Variants in PEX14 observed in about 807,000 individuals in gnomAD.
The protein encoded by PEX14 is peroxisomal membrane protein PEX14.
In PEX14, 15 loss-of-function variants were observed where a neutral mutation model predicts 49.5. The ratio of observed to expected loss-of-function variants is 0.30; its 90% CI spans 0.20 to 0.47. PEX14 has a LOEUF of 0.47. Among genes scored for constraint, PEX14 ranks in the 20% least tolerant of loss-of-function variants. The pLI, the probability that PEX14 is intolerant of heterozygous loss-of-function variation, is 1.00. For synonymous variants in PEX14, 210 were observed against 212.7 expected (o/e 0.99, Z 0.11); for missense variants, 398 against 494.8 (o/e 0.80, Z 1.86).
chr1:10,610,210 T>A (rs1226047391), intron 4 of PEX14, among the ~76,000 whole-genome samples: 3 of 148,734 alleles, frequency 2.0e-5, no homozygotes, highest in African/African-American at 4.9e-5. Context: ...AGCCTTTGTC[T>A]ACCCCAAGGT....
At chr1:10,530,105 T>C (rs1446564573) in intron 2 of PEX14, among the ~76,000 whole-genome samples, 3 of 152,156 alleles carry the variant, frequency 2.0e-5, no homozygotes, top group African/African-American at 4.8e-5. Flanking sequence ...TTAATGTACA[T>C]GAAACATACC....
intron 3 of PEX14, among the ~76,000 whole-genome samples, chr1:10,577,167 G>GGAGGCA (rs954751069): frequency 8.3e-6 from 1 of 119,842 alleles, no homozygotes; most frequent in African/African-American, 2.7e-5. Context: ...CAGCATTTTG[G>GGAGGCA]GAGGCAGAGG....
At chr1:10,501,887 G>A (rs1377757340) in intron 2 of PEX14, among the ~76,000 whole-genome samples, 1 of 152,042 alleles carries the variant, frequency 6.6e-6, no homozygotes, top group East Asian at 1.9e-4. Flanking sequence ...CTCCAGCTTG[G>A]GCAACAGAGT....
At chr1:10,564,361 G>T (rs1639740871) in intron 3 of PEX14, among the ~76,000 whole-genome samples, 3 of 149,928 alleles carry the variant, frequency 2.0e-5, no homozygotes, top group Admixed American at 2.0e-4. Context: ...TATCCAGTTT[G>T]CTGTTAAACC....
At chr1:10,488,846 A>G (rs1399301971) in intron 1 of PEX14, among the ~76,000 whole-genome samples, 1 of 151,786 alleles carries the variant, frequency 6.6e-6, no homozygotes, top group Non-Finnish European at 1.5e-5. Flanking sequence ...TTACTGTGAC[A>G]TGTTTTCATT....
At position 10,574,539 on chromosome 1, in the gene PEX14, C is replaced by G. The variant is rs372580497; in HGVS notation, c.170-24699C>G. 5.5e-4 allele frequency among the ~76,000 whole-genome samples: 83 copies of G among 152,152 alleles called. 1 individual carries two copies. Among genetic ancestry groups the G allele is most frequent in the African/African-American group, 2.0e-3 (81 of 41,488 alleles). On this transcript the variant is annotated intron_variant, in intron 3 of 8. Coordinates refer to ENST00000356607, the MANE Select transcript of PEX14 (RefSeq NM_004565.3). ...AAAATTAGTGCTACTCATTATTAGA[C>G]TAGAGGAAAATAGGACTTAGAACTT...
At chr1:10,478,325 G>A (rs1459975820) in intron 1 of PEX14, among the ~76,000 whole-genome samples, 2 of 152,044 alleles carry the variant, frequency 1.3e-5, no homozygotes, top group East Asian at 1.9e-4. Context: ...GTTCTATTAC[G>A]ACATCTTTTG....
intron 3 of PEX14, among the ~76,000 whole-genome samples, chr1:10,567,398 A>G (rs560755531): frequency 6.6e-6 from 1 of 152,364 alleles, no homozygotes; most frequent in Non-Finnish European, 1.5e-5. Flanking sequence ...ATCTGTTAAA[A>G]TTAATTTTGC....
At chr1:10,581,966 G>A (rs1640334449) in intron 3 of PEX14, among the ~76,000 whole-genome samples, 2 of 150,384 alleles carry the variant, frequency 1.3e-5, no homozygotes, top group Admixed American at 1.3e-4. Context: ...GAGTGCTACT[G>A]ATTTTTAATT....
At chr1:10,600,456 T>G (rs1640950644) in intron 4 of PEX14, among the ~76,000 whole-genome samples, 1 of 148,262 alleles carries the variant, frequency 6.7e-6, no homozygotes. Context: ...GTGGCTCACA[T>G]CTGTAATCCC....
chr1:10,618,719 T>G (rs1207123693), intron 5 of PEX14, among the ~76,000 whole-genome samples: 1 of 152,200 alleles, frequency 6.6e-6, no homozygotes, highest in East Asian at 1.9e-4. Flanking sequence ...CTTACAGTAG[T>G]GCCCGCACGG....
In PEX14 at chr1:10,564,613, T is replaced by G. The variant is rs1032314853; in HGVS notation, c.169+28316T>G. ...TTTCTTTCTTTTTTTTTTTTTTTTTTGTAGAGACAGGGCCTTGCCATGTTG... is the reference window on the plus strand; with the variant it reads ...TTTCTTTCTTTTTTTTTTTTTTTTTGGTAGAGACAGGGCCTTGCCATGTTG... On this transcript the variant is annotated intron_variant, in intron 3 of 8. Coordinates refer to ENST00000356607, the MANE Select transcript of PEX14 (RefSeq NM_004565.3). Among the ~76,000 whole-genome samples, 7 of 86,852 alleles carry G rather than the reference T, an allele frequency of 8.1e-5. No homozygotes were observed. The South Asian group carries it at 1.8e-3, about 22-fold the overall frequency. 57.0% of individuals were successfully genotyped at this position (86,852 alleles called of 152,430 possible). A position where few individuals can be genotyped will look rare whatever the true frequency, so the allele number is the denominator to read the frequency against.
chr1:10,475,287 G>C (rs1641175565), intron 1 of PEX14, among the ~76,000 whole-genome samples: 1 of 152,168 alleles, frequency 6.6e-6, no homozygotes, highest in African/African-American at 2.4e-5. Context: ...GAGCTTGTTG[G>C]GGAGGGTGAC....
chr1:10,556,163 A>ATGAGGGGTTGGGT (rs1639483262), intron 3 of PEX14, among the ~76,000 whole-genome samples: 1 of 152,090 alleles, frequency 6.6e-6, no homozygotes, highest in African/African-American at 2.4e-5. Context: ...AGGGGTTGGG[A>ATGAGGGGTTGGGT]TGACAGGGGT....
At chr1:10,525,986 A>T (rs1271527883) in intron 2 of PEX14, among the ~76,000 whole-genome samples, 2 of 137,010 alleles carry the variant, frequency 1.5e-5, no homozygotes, top group Admixed American at 1.5e-4. Context: ...CAGTGGTGTG[A>T]TCTTGGCTCA....
At chr1:10,519,466 G>A (rs891211699) in intron 2 of PEX14, among the ~76,000 whole-genome samples, 21 of 152,156 alleles carry the variant, frequency 1.4e-4, no homozygotes, top group African/African-American at 4.8e-4. Context: ...GTTGTGATCC[G>A]GAATACCACC....
chr1:10,630,121 T>C lies in PEX14; in HGVS notation c.*134T>C. The C allele has an allele frequency of 2.2e-6, 3 of 1,372,364 alleles. No individual in the cohort carries two copies. 85.0% of individuals were successfully genotyped at this position (1,372,364 alleles called of 1,614,324 possible). On this transcript the variant is annotated 3_prime_UTR_variant, in exon 9 of 9. Transcript: ENST00000356607. The surrounding 1 kb of genome is among the most constrained non-coding windows in gnomAD (Gnocchi z 4.1). The stretch of plus-strand genomic sequence containing the variant: ...GGGGCAGAGCTGTCCTCAGCTGCAC[T>C]GCGGCCTGGTGGCAGTGTGGGGAGT...
intron 8 of PEX14, 69 bp downstream of exon 8, chr1:10,627,432 G>A: frequency 8.8e-7 from 1 of 1,133,910 alleles, no homozygotes; most frequent in South Asian, 1.2e-5. Flanking sequence ...TCTGGGGCAT[G>A]GGAGGGGCAT....
rs572595972 is a variant in PEX14 at position 10,526,084 on chromosome 1, G to A, written c.85-10129G>A. 2.6e-5 allele frequency among the ~76,000 whole-genome samples: 4 copies of A among 151,156 alleles called. No homozygotes were observed. In the South Asian group the frequency reaches 8.4e-4, roughly 32 times the overall value. On this transcript the variant is annotated intron_variant, in intron 2 of 8. Transcript: ENST00000356607. The stretch of plus-strand genomic sequence containing the variant: ...CTATAGGTGCGTGCTGCCACACCCG[G>A]CTAATTTTTTGTATTTTTAGTAGAG...
Sources: gnomAD v4.1 joint callset for allele counts (sites outside exome capture counted in the v4.1 genomes callset) on GRCh38, gnomAD v4.1.1 for gene constraint, Gnocchi (gnomAD v3.1) non-coding constraint, MANE v1.5 for transcripts, NCBI Gene and HGNC (gene_info 2026-07-23, HGNC 2026-07-21) for gene names.